Variants in OR11A1 observed in about 807,000 individuals in gnomAD.
OR11A1 encodes the protein olfactory receptor 11A1.
For missense variants in OR11A1, 380 were observed against 378.2 expected (o/e 1.00, Z -0.04); for synonymous variants, 158 against 152.2 (o/e 1.04, Z -0.28).
rs118024924 is a variant in OR11A1, at chr6:29,435,755, C to T, written c.-388-3768G>A. On this transcript the variant is annotated intron_variant, in intron 1 of 4. Coordinates refer to ENST00000377149, the MANE Select transcript of OR11A1 (RefSeq NM_001394828.1). ...CTGTTAGAGATTTACATAGTCTTAC[C>T]ATTTAGATTTCTTCTTCACTAGACT... is the stretch of plus-strand genomic sequence containing the variant. Among the ~76,000 whole-genome samples the T allele has an allele frequency of 7.9e-5, 12 of 152,230 alleles. No individual in the cohort carries two copies. In the East Asian group the frequency reaches 2.1e-3, roughly 27 times the overall value.
At position 29,425,579 on chromosome 6, in the gene OR11A1, T is replaced by G. The variant is rs1782740274; in HGVS notation, c.*1115A>C. 6.6e-6 allele frequency: 1 copy of G among 152,180 alleles called. No homozygotes were observed. The allele number at this position is 152,180 out of a possible 1,614,324, so 9.4% of individuals were successfully genotyped here. A position where few individuals can be genotyped will look rare whatever the true frequency, so the allele number is the denominator to read the frequency against. ...TACATATGTGGAATATGTACATACATAACTTACACAACATAATAGTTATAC... is the reference window on the plus strand; with the variant it reads ...TACATATGTGGAATATGTACATACAGAACTTACACAACATAATAGTTATAC... On this transcript the variant is annotated 3_prime_UTR_variant, in exon 5 of 5. Coordinates refer to ENST00000377149, the MANE Select transcript of OR11A1 (RefSeq NM_001394828.1).
intron 1 of OR11A1, among the ~76,000 whole-genome samples, chr6:29,436,001 A>G (rs1160901471): frequency 6.6e-6 from 1 of 152,250 alleles, no homozygotes; most frequent in African/African-American, 2.4e-5. Flanking sequence ...ACATTCCACC[A>G]GTAGACATGA....
At chr6:29,451,209 A>C (rs984759276) in intron 1 of OR11A1, among the ~76,000 whole-genome samples, 13 of 152,236 alleles carry the variant, frequency 8.5e-5, no homozygotes, top group African/African-American at 1.9e-4. Flanking sequence ...ACTCGAAGTA[A>C]ATTAAAGATT....
intron 2 of OR11A1, among the ~76,000 whole-genome samples, chr6:29,431,253 T>A (rs1004608733): frequency 2.6e-5 from 4 of 152,068 alleles, no homozygotes; most frequent in East Asian, 1.9e-4. Flanking sequence ...TAGAAAAAAA[T>A]TTATTCTCAT....
chr6:29,454,958 T>A (rs912868549), intron 1 of OR11A1, among the ~76,000 whole-genome samples: 1 of 152,058 alleles, frequency 6.6e-6, no homozygotes, highest in Non-Finnish European at 1.5e-5. Context: ...ATTTTCATAA[T>A]ATTTTATTAT....
At chr6:29,441,636 G>T (rs1784203528) in intron 1 of OR11A1, among the ~76,000 whole-genome samples, 1 of 152,112 alleles carries the variant, frequency 6.6e-6, no homozygotes, top group African/African-American at 2.4e-5. Flanking sequence ...ACATGTGCAG[G>T]TTTGTTATAT....
chr6:29,452,493 G>T (rs1273123071), intron 1 of OR11A1, among the ~76,000 whole-genome samples: 3 of 151,922 alleles, frequency 2.0e-5, no homozygotes, highest in African/African-American at 7.3e-5. Flanking sequence ...GATTTAAAAA[G>T]AAAAATCTGA....
intron 1 of OR11A1, among the ~76,000 whole-genome samples, chr6:29,433,555 C>G (rs755100838): frequency 6.6e-5 from 10 of 152,150 alleles, no homozygotes; most frequent in African/African-American, 9.7e-5. Flanking sequence ...TGCATATATA[C>G]CACATTTTCT....
At chr6:29,456,467 G>C (rs1014207225) in intron 1 of OR11A1, among the ~76,000 whole-genome samples, 8 of 142,992 alleles carry the variant, frequency 5.6e-5, no homozygotes, top group African/African-American at 2.1e-4. Flanking sequence ...CCGAGATCGC[G>C]CCACTGCACT....
Position 29,453,762 on chromosome 6 carries a change from A to G in OR11A1, c.-389+3225T>C, listed in dbSNP as rs189619733. On this transcript the variant is annotated intron_variant, in intron 1 of 4. Coordinates refer to ENST00000377149, the MANE Select transcript of OR11A1 (RefSeq NM_001394828.1). This position sits in a 1 kb window ranked among gnomAD's most constrained non-coding sequence, Gnocchi z 4.5. Reference sequence around the variant, plus strand: ...GGGAAACTACAGGTATGTACAGAAGAAACATGAGAGAAACCAGCATGAAGT... The same window carrying G: ...GGGAAACTACAGGTATGTACAGAAGGAACATGAGAGAAACCAGCATGAAGT... 6.4e-3 allele frequency among the ~76,000 whole-genome samples: 979 copies of G among 152,310 alleles called. 6 individuals carry two copies. Among genetic ancestry groups the G allele is most frequent in the Admixed American group, 0.014 (221 of 15,298 alleles).
intron 1 of OR11A1, among the ~76,000 whole-genome samples, chr6:29,432,574 C>CA (rs1332120099): frequency 6.6e-6 from 1 of 152,100 alleles, no homozygotes; most frequent in Non-Finnish European, 1.5e-5. Context: ...TATAGATCAT[C>CA]AAAATCTTGC....
intron 1 of OR11A1, among the ~76,000 whole-genome samples, chr6:29,446,363 A>G (rs1784775989): frequency 6.6e-6 from 1 of 152,144 alleles, no homozygotes; most frequent in Admixed American, 6.5e-5. Flanking sequence ...TTCCTGCAAG[A>G]AGAGGCAATA....
At chr6:29,428,315 A>G in intron 4 of OR11A1, 1 of 985,574 alleles carries the variant, frequency 1.0e-6, no homozygotes, top group Non-Finnish European at 1.2e-6. Context: ...AATGTGGTAA[A>G]TGGTAATAGG....
At chr6:29,438,572 G>A (rs1783832575) in intron 1 of OR11A1, among the ~76,000 whole-genome samples, 1 of 152,140 alleles carries the variant, frequency 6.6e-6, no homozygotes, top group Non-Finnish European at 1.5e-5. Context: ...AATTAAAATG[G>A]TTGAACCAGA....
chr6:29,439,095 T>C (rs1783880928), intron 1 of OR11A1, among the ~76,000 whole-genome samples: 1 of 152,224 alleles, frequency 6.6e-6, no homozygotes, highest in Non-Finnish European at 1.5e-5. Flanking sequence ...TCAGTGTATT[T>C]AGACTTTTAC....
At chr6:29,427,880 C>A (rs573871585) in intron 4 of OR11A1, 148 bp from the exon 5 acceptor site, 9 of 667,986 alleles carry the variant, frequency 1.3e-5, no homozygotes, top group Admixed American at 3.2e-5. Context: ...TATTCTTTAA[C>A]GCTCAGAAGA....
At chr6:29,438,962 C>T (rs964233940) in intron 1 of OR11A1, among the ~76,000 whole-genome samples, 1 of 152,194 alleles carries the variant, frequency 6.6e-6, no homozygotes, top group Non-Finnish European at 1.5e-5. Flanking sequence ...ACCAAGGGCT[C>T]TTCAACTGCA....
intron 1 of OR11A1, among the ~76,000 whole-genome samples, chr6:29,452,574 A>G (rs1430812575): frequency 1.3e-5 from 2 of 152,176 alleles, no homozygotes; most frequent in African/African-American, 4.8e-5. Flanking sequence ...CAACATCTCA[A>G]CAGAAACAAA....
intron 1 of OR11A1, chr6:29,439,423 A>G (rs1319503188): frequency 6.6e-6 from 1 of 152,360 alleles, no homozygotes; most frequent in Admixed American, 6.5e-5. Flanking sequence ...GCTTAAAAAG[A>G]GAGGATCTTT....
Sources: allele counts gnomAD v4.1 joint callset (sites outside exome capture counted in the v4.1 genomes callset), GRCh38; gene constraint gnomAD v4.1.1; non-coding constraint Gnocchi (gnomAD v3.1); transcripts MANE v1.5; gene names NCBI Gene and HGNC (gene_info 2026-07-23, HGNC 2026-07-21).